Variants in MED12L observed in about 807,000 individuals in gnomAD.
MED12L encodes mediator of RNA polymerase II transcription subunit 12-like protein.
Under a neutral mutation model 281.3 loss-of-function variants are expected in MED12L, and 60 were observed. That is an observed-to-expected ratio of 0.21 (90% CI 0.17 to 0.26). The LOEUF (loss-of-function observed/expected upper bound fraction) is 0.26. MED12L is among the 10% of genes least tolerant of loss of function. The pLI is 1.00. For missense variants in MED12L, 2,146 were observed against 2,680.9 expected, an observed-to-expected ratio of 0.80 and a Z score of 4.41; for synonymous variants, 974 against 987.2, an observed-to-expected ratio of 0.99 and a Z score of 0.25.
chr3:151,172,712 A>G (rs1721583785), intron 11 of MED12L, among the ~76,000 whole-genome samples: 1 of 152,208 alleles, frequency 6.6e-6, no homozygotes, highest in Non-Finnish European at 1.5e-5. Flanking sequence ...AAGACTGCAG[A>G]AAGTCAAATA....
rs374369083 is a variant in MED12L, at chr3:151,416,227, G to A, written c.6298-85G>A. 2.4e-4 allele frequency: 388 copies of A among 1,608,606 alleles called. 8 individuals are homozygous for A. The South Asian group carries it at 4.0e-3, about 17-fold the overall frequency. On this transcript the variant is annotated intron_variant, in intron 42 of 44. Transcript: ENST00000687756. ...TGTTTTTACTACAACATAAAAATTA[G>A]ATAAAAGGTATATGGGGGAAACAGA...
intron 16 of MED12L, among the ~76,000 whole-genome samples, chr3:151,206,270 T>G (rs1726344856): frequency 6.6e-6 from 1 of 152,076 alleles, no homozygotes; most frequent in Admixed American, 6.6e-5. Flanking sequence ...CCTTGTTTTT[T>G]TTTCTTTACT....
chr3:151,374,584 C>T (rs1756598089), intron 27 of MED12L, among the ~76,000 whole-genome samples: 1 of 152,100 alleles, frequency 6.6e-6, no homozygotes, highest in East Asian at 1.9e-4. Flanking sequence ...ATGTTACACA[C>T]ATACCACTAG....
chr3:151,415,278 G>A lies in MED12L; in HGVS notation c.6298-1034G>A, dbSNP rs577171928. On this transcript the variant is annotated intron_variant, in intron 42 of 44. Coordinates refer to ENST00000687756, the MANE Select transcript of MED12L (RefSeq NM_001393769.1). Reference sequence around the variant, plus strand: ...GATAAGTGATTTGCTTCTACAACAGGATTATACTTCTTTTTTGGTGACTGG... The same window carrying A: ...GATAAGTGATTTGCTTCTACAACAGAATTATACTTCTTTTTTGGTGACTGG... Among the ~76,000 whole-genome samples the A allele has an allele frequency of 2.0e-5, 3 of 152,288 alleles. No homozygotes were observed. In the South Asian group the frequency reaches 6.2e-4, roughly 32 times the overall value.
rs1415847306 is a variant in MED12L at position 151,309,904 on chromosome 3, AT to A, written c.2251-40146del. 8.6e-5 allele frequency among the ~76,000 whole-genome samples: 13 copies of A among 151,742 alleles called. No homozygotes were observed. In the South Asian group the frequency reaches 1.9e-3, roughly 22 times the overall value. On this transcript the variant is annotated intron_variant, in intron 16 of 44. Transcript: ENST00000687756. ...AGTTTTTTGTTTTTTATTTTTAACA[AT>A]TTTTTTTTCTGCCTTCTGAAGTGAA...
intron 16 of MED12L, among the ~76,000 whole-genome samples, chr3:151,279,197 A>T (rs759403111): frequency 6.6e-6 from 1 of 152,222 alleles, no homozygotes; most frequent in Non-Finnish European, 1.5e-5. Flanking sequence ...AGCTTACTTT[A>T]TAAGGTTCCT....
At chr3:151,276,666 T>C (rs535705824) in intron 16 of MED12L, among the ~76,000 whole-genome samples, 1 of 152,332 alleles carries the variant, frequency 6.6e-6, no homozygotes, top group African/African-American at 2.4e-5. Flanking sequence ...AAGCACTTTA[T>C]AGAGTGAACG....
chr3:151,362,341 A>G (rs1754714781), intron 21 of MED12L, among the ~76,000 whole-genome samples: 1 of 152,054 alleles, frequency 6.6e-6, no homozygotes, highest in African/African-American at 2.4e-5. Context: ...GCAGGGTCCC[A>G]TCTTCTCTTC....
chr3:151,251,754 G>A lies in MED12L; in HGVS notation c.2250+58088G>A, dbSNP rs538519867. Among the ~76,000 whole-genome samples, 189 of 152,192 alleles carry A rather than the reference G, an allele frequency of 1.2e-3. 2 individuals are homozygous for A. Among genetic ancestry groups the A allele is most frequent in the Middle Eastern group, 6.8e-3 (2 of 294 alleles). ...TTCCTCTGCCTAGAACAGCTCTCTG[G>A]AATAATTTCTCTTCTTTCACCTGGC... On this transcript the variant is annotated intron_variant, in intron 16 of 44. Transcript: ENST00000687756.
At chr3:151,124,948 A>G (rs1240648464) in intron 4 of MED12L, among the ~76,000 whole-genome samples, 1 of 152,206 alleles carries the variant, frequency 6.6e-6, no homozygotes, top group Non-Finnish European at 1.5e-5. Context: ...CTTAGCAAAC[A>G]GAGGATGCAG....
chr3:151,258,475 A>G (rs6792089), intron 16 of MED12L, among the ~76,000 whole-genome samples: 16,777 of 152,266 alleles, frequency 0.11, 1,239 homozygotes, highest in Middle Eastern at 0.17. Flanking sequence ...GTTAAATTCC[A>G]GGGTATCCCT....
chr3:151,269,920 T>C, intron 16 of MED12L: 1 of 449,840 alleles, frequency 2.2e-6, no homozygotes, highest in Non-Finnish European at 4.4e-6. Flanking sequence ...ATGCAGGTGT[T>C]GTTGAGTTGG....
intron 16 of MED12L, among the ~76,000 whole-genome samples, chr3:151,319,754 T>A (rs1039615874): frequency 3.9e-5 from 6 of 152,128 alleles, no homozygotes; most frequent in African/African-American, 1.2e-4. Flanking sequence ...TGAATCATCA[T>A]GAAAAATGGC....
chr3:151,132,310 A>G (rs1264781702), intron 5 of MED12L, among the ~76,000 whole-genome samples: 4 of 152,094 alleles, frequency 2.6e-5, no homozygotes, highest in East Asian at 1.9e-4. Context: ...AGTCTTTTCA[A>G]CCTTGATTCA....
intron 27 of MED12L, among the ~76,000 whole-genome samples, chr3:151,373,869 A>G (rs1186201914): frequency 6.6e-6 from 1 of 152,154 alleles, no homozygotes; most frequent in African/African-American, 2.4e-5. Flanking sequence ...TTAGCAGAGA[A>G]CGTTACTGAG....
At chr3:151,230,766 C>T (rs550780692) in intron 16 of MED12L, among the ~76,000 whole-genome samples, 105 of 152,246 alleles carry the variant, frequency 6.9e-4, no homozygotes, top group Non-Finnish European at 1.1e-3. Flanking sequence ...ACCCCAATAG[C>T]TGTAAACTTG....
At chr3:151,116,274 A>T in intron 2 of MED12L, 64 bp from the exon 3 acceptor site, 2 of 1,120,516 alleles carry the variant, frequency 1.8e-6, no homozygotes, top group South Asian at 2.8e-5. Flanking sequence ...CTTAGGATGC[A>T]ATATGTGGGA....
chr3:151,301,931 T>C (rs9845034), intron 16 of MED12L, among the ~76,000 whole-genome samples: 125,545 of 152,274 alleles, frequency 0.82, 52,057 homozygotes, highest in African/African-American at 0.92. Flanking sequence ...AAAACTTATG[T>C]CCATGCAATG....
chr3:151,270,195 T>TGGTGTG, intron 16 of MED12L: 1 of 54,090 alleles, frequency 1.8e-5, no homozygotes, highest in Non-Finnish European at 3.5e-5. Flanking sequence ...GAGCAAGCTG[T>TGGTGTG]CGTGTGTGTG....
Sources: allele counts gnomAD v4.1 joint callset (sites outside exome capture counted in the v4.1 genomes callset), GRCh38; gene constraint gnomAD v4.1.1; transcripts MANE v1.5; gene names NCBI Gene and HGNC (gene_info 2026-07-23, HGNC 2026-07-21).